The following DLC1 variants were observed in gnomAD, a reference collection of about 807,000 sequenced individuals.
DLC1 encodes rho GTPase-activating protein 7.
A neutral mutation model predicts 140.3 loss-of-function variants in DLC1; 54 were observed. That is an observed-to-expected ratio of 0.38 (90% CI 0.31 to 0.48). The LOEUF is 0.48. Among genes scored for constraint, DLC1 ranks in the 20% least tolerant of loss-of-function variants. The pLI is 0.96. For missense variants in DLC1, 2,536 were observed against 1,907.0 expected (o/e 1.33, Z -6.14); for synonymous variants, 986 against 728.1 (o/e 1.35, Z -5.70).
At chr8:13,109,590 C>T (rs375280582) in intron 7 of DLC1, among the ~76,000 whole-genome samples, 10 of 144,984 alleles carry the variant, frequency 6.9e-5, no homozygotes, top group African/African-American at 2.1e-4. Flanking sequence ...AAAAACAGAA[C>T]AAAAAAAAAA....
At chr8:13,464,789 T>C (rs908658867) in intron 2 of DLC1, among the ~76,000 whole-genome samples, 37 of 145,766 alleles carry the variant, frequency 2.5e-4, no homozygotes, top group Admixed American at 4.1e-4. Context: ...TATATATATA[T>C]ATTTATGCTT....
At chr8:13,523,089 G>A (rs192181807) in intron 1 of DLC1, among the ~76,000 whole-genome samples, 43 of 152,242 alleles carry the variant, frequency 2.8e-4, no homozygotes, top group Middle Eastern at 3.4e-3. Flanking sequence ...GTAGAGCCCT[G>A]GAAAGATTTT....
At chr8:13,455,454 T>A (rs548630748) in intron 2 of DLC1, among the ~76,000 whole-genome samples, 27 of 152,172 alleles carry the variant, frequency 1.8e-4, no homozygotes, top group African/African-American at 6.3e-4. Flanking sequence ...TCCTCCAGAC[T>A]TCATCTACCT....
At chr8:13,552,251 C>T (rs1360422031) in intron 1 of DLC1, among the ~76,000 whole-genome samples, 3 of 146,186 alleles carry the variant, frequency 2.1e-5, no homozygotes, top group African/African-American at 7.5e-5. Context: ...ACCCCCATAC[C>T]TGTCTACATA....
rs368769968 is a variant in DLC1, at chr8:13,305,299, T to C, written c.1318A>G (p.Ile440Val). The change falls in exon 5 of 18, where the codon ATT (isoleucine) becomes GTT (valine). Residue 440 changes from isoleucine (I) to valine (V), a missense_variant. By Grantham distance (29) the Ile-to-Val change is conservative. Coordinates refer to ENST00000276297, the MANE Select transcript of DLC1 (RefSeq NM_182643.3). ...NSGTKPKTTAIQGISEKEKAE... is the reference protein window; with the variant it reads ...NSGTKPKTTAVQGISEKEKAE... ...TTTTCCTTCTCTGAAATACCTTGAA[T>C]AGCCTGAAAAAAAAGACACAAAAAT... 3 of 1,599,516 alleles carry C rather than the reference T, an allele frequency of 1.9e-6. No homozygotes were observed. The highest frequency in any genetic ancestry group is 1.7e-5 in the Admixed American group (1 of 57,650).
intron 5 of DLC1, among the ~76,000 whole-genome samples, chr8:13,235,535 G>T (rs1829236787): frequency 6.6e-6 from 1 of 152,028 alleles, no homozygotes; most frequent in African/African-American, 2.4e-5. Flanking sequence ...ATTCTAGGCA[G>T]ATTTGGGTCT....
intron 5 of DLC1, among the ~76,000 whole-genome samples, chr8:13,158,691 A>T (rs1238592029): frequency 2.8e-5 from 4 of 142,084 alleles, no homozygotes; most frequent in Non-Finnish European, 6.0e-5. Context: ...AAGGTTCCTC[A>T]GTAATCTTTA....
At chr8:13,311,801 G>T (rs984681946) in intron 4 of DLC1, among the ~76,000 whole-genome samples, 5 of 152,158 alleles carry the variant, frequency 3.3e-5, no homozygotes, top group Non-Finnish European at 1.5e-5. Context: ...ATCTTTAGCA[G>T]AAATGAGATG....
Position 13,500,063 on chromosome 8 carries a change from T to G in DLC1, c.9A>C (p.Val3=). The change falls in exon 2 of 18, where the codon GTA becomes GTC. Residue 3 remains valine (V), a synonymous_variant. Transcript: ENST00000276297. ...CTTCCCAGCTTCTCTTTCTGATAGCTACAGACATGTCATCGTAGTTTAACA... is the reference window on the plus strand; with the variant it reads ...CTTCCCAGCTTCTCTTTCTGATAGCGACAGACATGTCATCGTAGTTTAACA... MS[V]AIRKRSWEEH... 6.2e-7 allele frequency: 1 copy of G among 1,613,106 alleles called. No homozygotes were observed. Among genetic ancestry groups the G allele is most frequent in the Non-Finnish European group, 8.5e-7 (1 of 1,179,258 alleles).
chr8:13,449,027 T>A (rs1798924375), intron 2 of DLC1, among the ~76,000 whole-genome samples: 2 of 152,194 alleles, frequency 1.3e-5, no homozygotes, highest in Non-Finnish European at 2.9e-5. Flanking sequence ...TTTCAGGCAT[T>A]TCATGGATTA....
At chr8:13,211,523 C>T (rs901897372) in intron 5 of DLC1, among the ~76,000 whole-genome samples, 4 of 152,196 alleles carry the variant, frequency 2.6e-5, no homozygotes, top group African/African-American at 9.6e-5. Flanking sequence ...TTGGGGTTCA[C>T]TTGCATCAGC....
At chr8:13,525,342 T>C (rs1365974275) in intron 1 of DLC1, among the ~76,000 whole-genome samples, 1 of 152,222 alleles carries the variant, frequency 6.6e-6, no homozygotes, top group Non-Finnish European at 1.5e-5. Flanking sequence ...TTCTTTAATT[T>C]CCTTGTGTAA....
intron 1 of DLC1, among the ~76,000 whole-genome samples, chr8:13,501,157 C>T (rs1801795884): frequency 6.6e-6 from 1 of 152,170 alleles, no homozygotes; most frequent in African/African-American, 2.4e-5. Context: ...TCAGAAACTT[C>T]AGTCTCATTC....
At chr8:13,172,373 T>C (rs1337283865) in intron 5 of DLC1, among the ~76,000 whole-genome samples, 3 of 152,186 alleles carry the variant, frequency 2.0e-5, no homozygotes, top group African/African-American at 7.2e-5. Context: ...TTCAGTACCT[T>C]GTAGTGCTGG....
intron 5 of DLC1, among the ~76,000 whole-genome samples, chr8:13,149,387 C>T (rs1325248179): frequency 6.6e-6 from 1 of 152,214 alleles, no homozygotes; most frequent in Non-Finnish European, 1.5e-5. Context: ...ACCCCCAGAA[C>T]TTGCTCTGAA....
intron 1 of DLC1, among the ~76,000 whole-genome samples, chr8:13,511,828 A>G (rs1427979381): frequency 1.3e-5 from 2 of 152,148 alleles, no homozygotes; most frequent in East Asian, 3.9e-4. Context: ...TTCTCATTTT[A>G]TAACACTGAC....
chr8:13,119,914 T>C (rs1264497148), intron 5 of DLC1, among the ~76,000 whole-genome samples: 10 of 134,330 alleles, frequency 7.4e-5, no homozygotes, highest in African/African-American at 2.7e-4. Flanking sequence ...AGACTCTATC[T>C]AAAAAAAAAA....
chr8:13,492,756 C>T (rs555617922), intron 2 of DLC1, among the ~76,000 whole-genome samples: 8 of 152,212 alleles, frequency 5.3e-5, no homozygotes, highest in Non-Finnish European at 8.8e-5. Context: ...CTATACCTAG[C>T]GTTTTCATTT....
At chr8:13,365,322 A>G (rs1245071315) in intron 4 of DLC1, among the ~76,000 whole-genome samples, 2 of 152,142 alleles carry the variant, frequency 1.3e-5, no homozygotes, top group Non-Finnish European at 2.9e-5. Flanking sequence ...ACTATTATCT[A>G]AGGTGCACGT....
Sources: allele counts gnomAD v4.1 joint callset (sites outside exome capture counted in the v4.1 genomes callset), GRCh38; gene constraint gnomAD v4.1.1; transcripts MANE v1.5; gene names NCBI Gene and HGNC (gene_info 2026-07-23, HGNC 2026-07-21).